Variants in FAM78B observed in about 807,000 individuals in gnomAD.
The protein encoded by FAM78B is protein FAM78B.
In FAM78B, 10 loss-of-function variants were observed where a neutral mutation model predicts 20.0. The observed-to-expected ratio is 0.50, with a 90% confidence interval of 0.31 to 0.85. The LOEUF (loss-of-function observed/expected upper bound fraction) is 0.85, where lower values mean the gene tolerates loss of function less well. Ranked by LOEUF, FAM78B falls within the 40% of genes least tolerant of loss-of-function variation. The pLI is 0.05. For missense variants in FAM78B, 283 were observed against 345.0 expected, an observed-to-expected ratio of 0.82 and a Z score of 1.42; for synonymous variants, 135 against 132.8, an observed-to-expected ratio of 1.02 and a Z score of -0.12.
chr1:166,143,592 T>C (rs1655354484), intron 1 of FAM78B, among the ~76,000 whole-genome samples: 1 of 152,042 alleles, frequency 6.6e-6, no homozygotes, highest in African/African-American at 2.4e-5. Flanking sequence ...CTATTCTGAG[T>C]TGCCTACTCG....
intron 1 of FAM78B, among the ~76,000 whole-genome samples, chr1:166,111,523 G>C (rs1161154990): frequency 6.6e-6 from 1 of 152,202 alleles, no homozygotes; most frequent in East Asian, 1.9e-4. Context: ...TCCTTGCTGT[G>C]CTTATAGTCT....
At chr1:166,121,487 AG>A (rs1293796110) in intron 1 of FAM78B, among the ~76,000 whole-genome samples, 3 of 152,198 alleles carry the variant, frequency 2.0e-5, no homozygotes, top group Non-Finnish European at 2.9e-5. Context: ...TCTAGAAGGA[AG>A]GGTATGGGTC....
At chr1:166,113,982 C>T (rs1403885644) in intron 1 of FAM78B, among the ~76,000 whole-genome samples, 1 of 152,168 alleles carries the variant, frequency 6.6e-6, no homozygotes, top group Non-Finnish European at 1.5e-5. Flanking sequence ...CTTAGCACTG[C>T]CCACCACATT....
chr1:166,118,714 A>G (rs983537502), intron 1 of FAM78B, among the ~76,000 whole-genome samples: 3 of 152,082 alleles, frequency 2.0e-5, no homozygotes, highest in Admixed American at 1.3e-4. Flanking sequence ...AATGTTTGCA[A>G]CCCTTTGATG....
At chr1:166,087,264 C>G (rs894352553) in intron 1 of FAM78B, 6 of 152,072 alleles carry the variant, frequency 3.9e-5, no homozygotes, top group African/African-American at 1.4e-4. Flanking sequence ...GGGGTTTCAC[C>G]ATGTTGTCCA....
At chr1:166,159,525 T>C (rs1424526510) in intron 1 of FAM78B, among the ~76,000 whole-genome samples, 1 of 152,166 alleles carries the variant, frequency 6.6e-6, no homozygotes, top group African/African-American at 2.4e-5. Context: ...TCCCTTTCAC[T>C]TGCCAGTCTG....
Position 166,070,547 on chromosome 1 carries a change from G to T in FAM78B, c.480C>A (p.Leu160=). The change falls in exon 2 of 2, where the codon CTC becomes CTA. Residue 160 remains leucine (L), a synonymous_variant. Coordinates refer to ENST00000354422, the MANE Select transcript of FAM78B (RefSeq NM_001017961.5). Reference sequence around the variant, plus strand: ...AACTTTGGTCTCTCTTGATTCTTGTGAGCAGTGGCACATTGCTGTCACTCA... The same window carrying T: ...AACTTTGGTCTCTCTTGATTCTTGTTAGCAGTGGCACATTGCTGTCACTCA... ...VPVSDSNVPL[L]TRIKRDQSFT... 1.2e-6 allele frequency: 2 copies of T among 1,613,950 alleles called. No individual in the cohort carries two copies. The highest frequency in any genetic ancestry group is 2.2e-5 in the East Asian group (1 of 44,886).
At chr1:166,124,169 T>C (rs1432335687) in intron 1 of FAM78B, among the ~76,000 whole-genome samples, 1 of 152,236 alleles carries the variant, frequency 6.6e-6, no homozygotes, top group East Asian at 1.9e-4. Flanking sequence ...GTCTGGCTCA[T>C]GGGTTTCAAC....
intron 1 of FAM78B, among the ~76,000 whole-genome samples, chr1:166,143,908 G>C (rs1051519694): frequency 6.6e-6 from 1 of 152,208 alleles, no homozygotes; most frequent in Non-Finnish European, 1.5e-5. Context: ...GTGTGTGTGA[G>C]GGTTGGGGGC....
intron 1 of FAM78B, among the ~76,000 whole-genome samples, chr1:166,122,747 C>T (rs903345785): frequency 6.6e-6 from 1 of 152,054 alleles, no homozygotes; most frequent in Non-Finnish European, 1.5e-5. Context: ...AGGATTATTG[C>T]GAGAATTCAA....
At chr1:166,105,541 C>T (rs12059123) in intron 1 of FAM78B, among the ~76,000 whole-genome samples, 6,608 of 152,120 alleles carry the variant, frequency 0.043, 473 homozygotes, top group African/African-American at 0.15. Context: ...AACAAGTAGG[C>T]GAAGGATATG....
chr1:166,111,839 G>A lies in FAM78B; in HGVS notation c.264-41076C>T, dbSNP rs545179377. Among the ~76,000 whole-genome samples, 8 of 152,296 alleles carry A rather than the reference G, an allele frequency of 5.3e-5. No individual in the cohort carries two copies. The South Asian group carries it at 6.2e-4, about 12-fold the overall frequency. Reference sequence around the variant, plus strand: ...AAGAAACAACTAGCCATAGAGCAGCGTCCCTGGCTTCCCAGAGGCTATACT... The same window carrying A: ...AAGAAACAACTAGCCATAGAGCAGCATCCCTGGCTTCCCAGAGGCTATACT... On this transcript the variant is annotated intron_variant, in intron 1 of 1. Coordinates refer to ENST00000354422, the MANE Select transcript of FAM78B (RefSeq NM_001017961.5).
chr1:166,080,817 G>A (rs1652537978), intron 1 of FAM78B, among the ~76,000 whole-genome samples: 1 of 152,230 alleles, frequency 6.6e-6, no homozygotes, highest in African/African-American at 2.4e-5. Flanking sequence ...GGAGGAGCTG[G>A]AAATAACAGT....
intron 1 of FAM78B, among the ~76,000 whole-genome samples, chr1:166,137,430 T>C (rs1414526081): frequency 6.6e-6 from 1 of 152,246 alleles, no homozygotes; most frequent in Non-Finnish European, 1.5e-5. Context: ...AGAAAACAGA[T>C]GTATTCTAAG....
chr1:166,151,009 G>A (rs1655650746), intron 1 of FAM78B, among the ~76,000 whole-genome samples: 1 of 152,200 alleles, frequency 6.6e-6, no homozygotes. Context: ...CCAGAACTGG[G>A]GTTTTAATCT....
At chr1:166,109,854 A>ACATGTATGTG (rs1653949857) in intron 1 of FAM78B, among the ~76,000 whole-genome samples, 5 of 15,710 alleles carry the variant, frequency 3.2e-4, no homozygotes, top group African/African-American at 6.2e-4. Flanking sequence ...ATATATATAT[A>ACATGTATGTG]TATATATGTA....
At chr1:166,081,111 C>T (rs894574806) in intron 1 of FAM78B, 1 of 152,256 alleles carries the variant, frequency 6.6e-6, no homozygotes, top group Admixed American at 6.5e-5. Flanking sequence ...CCGCCCACTT[C>T]CTTTCTGACC....
intron 1 of FAM78B, among the ~76,000 whole-genome samples, chr1:166,104,854 C>A (rs948523656): frequency 6.6e-5 from 10 of 152,198 alleles, no homozygotes; most frequent in Admixed American, 4.6e-4. Context: ...GAAAAAACTA[C>A]TTTAAAGTTC....
At chr1:166,140,397 T>G (rs1655235149) in intron 1 of FAM78B, among the ~76,000 whole-genome samples, 1 of 152,162 alleles carries the variant, frequency 6.6e-6, no homozygotes, top group Non-Finnish European at 1.5e-5. Flanking sequence ...CAGATATTGT[T>G]GGGGGCCAGA....
Sources: gnomAD v4.1 joint callset for allele counts (sites outside exome capture counted in the v4.1 genomes callset) on GRCh38, gnomAD v4.1.1 for gene constraint, MANE v1.5 for transcripts, NCBI Gene and HGNC (gene_info 2026-07-23, HGNC 2026-07-21) for gene names.